The following HECTD4 variants were observed in gnomAD, a reference collection of about 807,000 sequenced individuals.
The protein encoded by HECTD4 is HECT domain E3 ubiquitin protein ligase 4.
Under a neutral mutation model 471.5 loss-of-function variants are expected in HECTD4, and 114 were observed. The ratio of observed to expected loss-of-function variants is 0.24; its 90% CI spans 0.21 to 0.28. The LOEUF is 0.28. Among genes scored for constraint, HECTD4 ranks in the 10% least tolerant of loss-of-function variants. The pLI, the probability that HECTD4 is intolerant of heterozygous loss-of-function variation, is 1.00. For synonymous variants in HECTD4, 2,012 were observed against 2,256.0 expected (o/e 0.89, Z 3.07); for missense variants, 3,866 against 5,651.5 (o/e 0.68, Z 10.13).
chr12:112,319,198 C>T lies in HECTD4; in HGVS notation c.695+27G>A. 6.5e-7 allele frequency: 1 copy of T among 1,534,982 alleles called. No homozygotes were observed. The highest frequency in any genetic ancestry group is 1.2e-5 in the South Asian group (1 of 83,896). ...CCAGGTGGCAGTAGTCACAAGGTCA[C>T]CAAATGATACATTCGATTTTCCTTA... On this transcript the variant is annotated intron_variant, in intron 2 of 75. Transcript: ENST00000682272. This position sits in a 1 kb window ranked among gnomAD's most constrained non-coding sequence, Gnocchi z 5.3.
chr12:112,246,099 T>C (rs1451220042), intron 29 of HECTD4, among the ~76,000 whole-genome samples: 2 of 151,064 alleles, frequency 1.3e-5, no homozygotes, highest in Non-Finnish European at 2.9e-5. Context: ...GCCACCGCAC[T>C]CCAGCCTGGA....
chr12:112,267,024 T>C (rs566528905), intron 13 of HECTD4, 42 bp from the exon 14 acceptor site: 2 of 1,077,314 alleles, frequency 1.9e-6, no homozygotes, highest in African/African-American at 3.2e-5. Flanking sequence ...GCAAATGTTC[T>C]AGAAAATCAA....
At chr12:112,373,868 G>T (rs1461896839) in intron 1 of HECTD4, among the ~76,000 whole-genome samples, 3 of 151,654 alleles carry the variant, frequency 2.0e-5, no homozygotes, top group Non-Finnish European at 2.9e-5. Flanking sequence ...GCCAGGCATG[G>T]TGATGCATGC....
At chr12:112,297,317 A>C (rs2035060837) in intron 7 of HECTD4, among the ~76,000 whole-genome samples, 1 of 151,332 alleles carries the variant, frequency 6.6e-6, no homozygotes, top group Admixed American at 6.6e-5. Context: ...CAGTGGATGT[A>C]GGTGCAGAGG....
intron 20 of HECTD4, chr12:112,256,726 CT>C (rs1029364106): frequency 2.5e-3 from 832 of 334,786 alleles, no homozygotes; most frequent in Middle Eastern, 4.6e-3. Context: ...ATTATACTTG[CT>C]TTTTTTTTTC....
At position 112,381,800 on chromosome 12, in the gene HECTD4, G is replaced by C. The variant is rs954873974; in HGVS notation, c.177+152C>G. The stretch of plus-strand genomic sequence containing the variant: ...GCGGGCGGTCCGCAGACCTGCGGCC[G>C]CGGCCCCACCTGCCCGCCCCGCGCC... On this transcript the variant is annotated intron_variant, in intron 1 of 75. Transcript: ENST00000682272. The surrounding 1 kb of genome is among the most constrained non-coding windows in gnomAD (Gnocchi z 4.1). 1.3e-5 allele frequency among the ~76,000 whole-genome samples: 2 copies of C among 151,862 alleles called. No individual in the cohort carries two copies. Among genetic ancestry groups the C allele is most frequent in the Non-Finnish European group, 2.9e-5 (2 of 67,916 alleles).
rs749138249 is a variant in HECTD4, at chr12:112,258,540, C to A, written c.3084G>T (p.Pro1028=). ...TGCACTTCTGGTCTGGTGCACCACA[C>A]GGGGAACAGCCCACCTCAGCAAAAA... The part of the protein sequence containing the change: ...CPVFAEVGCS[P]CGAPDQKCRL... The change falls in exon 20 of 76, where the codon CCG becomes CCT. Residue 1028 remains proline (P), a synonymous_variant. Coordinates refer to ENST00000682272, the MANE Select transcript of HECTD4 (RefSeq NM_001388303.1). The A allele has an allele frequency of 1.2e-6, 2 of 1,605,504 alleles. No homozygotes were observed. The highest frequency in any genetic ancestry group is 1.7e-6 in the Non-Finnish European group (2 of 1,176,610).
At chr12:112,323,704 G>T (rs956436059) in intron 1 of HECTD4, among the ~76,000 whole-genome samples, 1 of 151,480 alleles carries the variant, frequency 6.6e-6, no homozygotes, top group African/African-American at 2.4e-5. Flanking sequence ...GAGTTTTTTT[G>T]GGGGGGTTGA....
In HECTD4 at chr12:112,184,070, G is replaced by A; in HGVS notation, c.10779+117C>T. 1.0e-6 allele frequency: 1 copy of A among 1,003,472 alleles called. No homozygotes were observed. The highest frequency in any genetic ancestry group is 1.5e-6 in the Non-Finnish European group (1 of 673,858). 62.2% of individuals were successfully genotyped at this position (1,003,472 alleles called of 1,614,324 possible). On this transcript the variant is annotated intron_variant, in intron 61 of 75. Coordinates refer to ENST00000682272, the MANE Select transcript of HECTD4 (RefSeq NM_001388303.1). The surrounding 1 kb of genome is among the most constrained non-coding windows in gnomAD (Gnocchi z 9.1). The stretch of plus-strand genomic sequence containing the variant: ...GTGCTCATTCCAAGGGCTGCCCCAG[G>A]GAGCCCCCAACCGCTCCACCATTAC...
intron 19 of HECTD4, 198 bp downstream of exon 19, chr12:112,258,914 G>C: frequency 1.7e-6 from 1 of 596,284 alleles, no homozygotes; most frequent in Non-Finnish European, 2.8e-6. Flanking sequence ...GTTGCAGTTA[G>C]TAATTTAGTC....
At chr12:112,370,485 G>GAT (rs1475279398) in intron 1 of HECTD4, among the ~76,000 whole-genome samples, 1 of 152,026 alleles carries the variant, frequency 6.6e-6, no homozygotes, top group Non-Finnish European at 1.5e-5. Context: ...TAATGTGGTA[G>GAT]ATATATATAT....
chr12:112,210,015 G>A lies in HECTD4; in HGVS notation c.7867C>T (p.Gln2623Ter), dbSNP rs1462575711. 3 of 1,610,820 alleles carry A rather than the reference G, an allele frequency of 1.9e-6. No individual in the cohort carries two copies. The highest frequency in any genetic ancestry group is 2.5e-6 in the Non-Finnish European group (3 of 1,177,938). Residue 2623 changes from glutamine (Q) to a stop codon, truncating the protein, a stop_gained and splice_region_variant, in exon 50 of 76, where the codon CAA (glutamine) becomes TAA (stop). Transcript: ENST00000682272. LOFTEE classifies it high-confidence loss of function. ...CAGTAAGTTCCAGGAGGTGACTTACGTTGCTGAGCGGTGGCCACGGCAGCA... is the reference window on the plus strand; with the variant it reads ...CAGTAAGTTCCAGGAGGTGACTTACATTGCTGAGCGGTGGCCACGGCAGCA... Reference protein sequence around the residue: ...RIAAVATAQQQYDSDTSCHYK... With the variant: ...RIAAVATAQQ
intron 9 of HECTD4, among the ~76,000 whole-genome samples, chr12:112,277,064 C>G (rs1273112932): frequency 6.6e-6 from 1 of 152,048 alleles, no homozygotes; most frequent in Non-Finnish European, 1.5e-5. Context: ...ACCATATGAC[C>G]CAGCGATTCC....
chr12:112,254,418 A>G (rs2033962628), intron 21 of HECTD4, among the ~76,000 whole-genome samples: 2 of 152,166 alleles, frequency 1.3e-5, no homozygotes, highest in Non-Finnish European at 2.9e-5. Context: ...TTATATTACC[A>G]CACTTTAATT....
At chr12:112,259,082 CA>C in intron 19 of HECTD4, 29 bp downstream of exon 19, 8 of 1,567,698 alleles carry the variant, frequency 5.1e-6, no homozygotes, top group Non-Finnish European at 6.9e-6. Context: ...GGCCAAAAAG[CA>C]GTTCACTTTG....
At chr12:112,378,281 C>CCT (rs1555262162) in intron 1 of HECTD4, among the ~76,000 whole-genome samples, 1 of 152,062 alleles carries the variant, frequency 6.6e-6, no homozygotes. Flanking sequence ...TGCAGTGACG[C>CCT]GATCTCAGCT....
At position 112,184,999 on chromosome 12, in the gene HECTD4, A is replaced by C. The variant is rs1161195090; in HGVS notation, c.9967T>G (p.Ser3323Ala). ...KKVKMKREKA[S>A]SSGKRQSSRT... is the part of the protein sequence containing the mutation. Reference sequence around the variant, plus strand: ...GAAGACTGGCGCTTGCCCGACGAGGAGGCCTTTTCCCGCTTCATCTTGACT... The same window carrying C: ...GAAGACTGGCGCTTGCCCGACGAGGCGGCCTTTTCCCGCTTCATCTTGACT... Residue 3323 changes from serine (S) to alanine (A), a missense_variant, in exon 61 of 76, where the codon TCC becomes GCC. Ser to Ala is a moderately conservative substitution (Grantham distance 99, BLOSUM62 1). Coordinates refer to ENST00000682272, the MANE Select transcript of HECTD4 (RefSeq NM_001388303.1). The surrounding 1 kb of genome is among the most constrained non-coding windows in gnomAD (Gnocchi z 9.1). 3 of 1,610,888 alleles carry C rather than the reference A, an allele frequency of 1.9e-6. No individual in the cohort carries two copies. Among genetic ancestry groups the C allele is most frequent in the Non-Finnish European group, 2.5e-6 (3 of 1,178,684 alleles).
At chr12:112,343,617 TA>T in intron 1 of HECTD4, among the ~76,000 whole-genome samples, 1 of 151,500 alleles carries the variant, frequency 6.6e-6, no homozygotes, top group East Asian at 1.9e-4. Context: ...AAAAAAAAAT[TA>T]AAATTAGCTG....
chr12:112,283,830 G>C (rs1425046148), intron 7 of HECTD4, among the ~76,000 whole-genome samples: 1 of 152,140 alleles, frequency 6.6e-6, no homozygotes, highest in Non-Finnish European at 1.5e-5. Flanking sequence ...CTTTGCTGGT[G>C]CTTTGCAGTT....
Sources: allele counts gnomAD v4.1 joint callset (sites outside exome capture counted in the v4.1 genomes callset), GRCh38; gene constraint gnomAD v4.1.1; non-coding constraint Gnocchi (gnomAD v3.1); transcripts MANE v1.5; gene names NCBI Gene and HGNC (gene_info 2026-07-23, HGNC 2026-07-21).